MDN1: variants seen among roughly 807,000 people sequenced by gnomAD.
The protein encoded by MDN1 is midasin AAA ATPase 1.
In MDN1, 266 loss-of-function variants were observed where a neutral mutation model predicts 669.2. That is an observed-to-expected ratio of 0.40 (90% CI 0.36 to 0.44). The LOEUF is 0.44. Among genes scored for constraint, MDN1 ranks in the 20% least tolerant of loss-of-function variants. MDN1 has a pLI of 1.00. For missense variants in MDN1, 5,940 were observed against 6,754.0 expected (o/e 0.88, Z 4.22); for synonymous variants, 2,385 against 2,457.1 (o/e 0.97, Z 0.87).
chr6:89,677,685 G>C lies in MDN1; in HGVS notation c.12424C>G (p.Arg4142Gly). 4 of 1,614,076 alleles carry C rather than the reference G, an allele frequency of 2.5e-6. No individual in the cohort carries two copies. Among genetic ancestry groups the C allele is most frequent in the Non-Finnish European group, 3.4e-6 (4 of 1,180,006 alleles). Reference protein sequence around the residue: ...KHLAKIGLSYRKGLAWARSKN... With the variant: ...KHLAKIGLSYGKGLAWARSKN... ...GAACGGGCCCAAGCAAGACCTTTGC[G>C]ATACGACAAACCTAGGAAATAAACA... Residue 4142 changes from arginine to glycine, a missense_variant, in exon 76 of 102, where the codon CGC (arginine) becomes GGC (glycine). Arg to Gly is a moderately radical substitution (Grantham distance 125). Around this residue, in one of 5 missense-constraint regions of MDN1, gnomAD observed 2,280 missense variants for 2,576.3 expected, o/e 0.88. Transcript: ENST00000369393.
intron 36 of MDN1, 84 bp from the exon 37 acceptor site, chr6:89,728,039 A>C: frequency 6.8e-7 from 1 of 1,464,558 alleles, no homozygotes; most frequent in Non-Finnish European, 9.2e-7. Flanking sequence ...GAAATGATAA[A>C]TACTTGGGGC....
At chr6:89,667,175 G>T (rs2038336) in intron 84 of MDN1, among the ~76,000 whole-genome samples, 127,483 of 151,954 alleles carry the variant, frequency 0.84, 53,669 homozygotes, top group East Asian at 1. Flanking sequence ...ATTTGCTTTT[G>T]CTTTTGACTT....
chr6:89,780,902 G>A (rs1444141709), intron 10 of MDN1, among the ~76,000 whole-genome samples: 3 of 151,486 alleles, frequency 2.0e-5, no homozygotes, highest in Admixed American at 2.0e-4. Flanking sequence ...GCCCACCTCG[G>A]CCTCCCAAAG....
chr6:89,815,246 C>T (rs1030871176), intron 1 of MDN1: 4 of 423,568 alleles, frequency 9.4e-6, no homozygotes, highest in African/African-American at 8.2e-5. Flanking sequence ...TGACAGAGCT[C>T]CTCTGCTCTC....
intron 84 of MDN1, 54 bp from the exon 85 acceptor site, chr6:89,664,682 C>G: frequency 6.9e-7 from 1 of 1,445,120 alleles, no homozygotes; most frequent in Middle Eastern, 1.8e-4. Flanking sequence ...ATGTTTGCTT[C>G]AGCTGTGAGA....
chr6:89,819,615 G>A lies in MDN1; in HGVS notation c.-8C>T, dbSNP rs201298124. ...CAGCAAGAAGTGCTCCATGACCCAGGGCCCTCACCCCGAGCGGCCACCTGC... is the reference window on the plus strand; with the variant it reads ...CAGCAAGAAGTGCTCCATGACCCAGAGCCCTCACCCCGAGCGGCCACCTGC... On this transcript the variant is annotated 5_prime_UTR_variant, in exon 1 of 102. Transcript: ENST00000369393. 3.1e-6 allele frequency: 5 copies of A among 1,600,022 alleles called. No individual in the cohort carries two copies. The highest frequency in any genetic ancestry group is 4.2e-6 in the Non-Finnish European group (5 of 1,179,394).
At chr6:89,780,322 C>G (rs758759527) in intron 10 of MDN1, 29 bp from the exon 11 acceptor site, 1 of 1,454,236 alleles carries the variant, frequency 6.9e-7, no homozygotes, top group East Asian at 2.4e-5. Context: ...AAAGAAAAAA[C>G]AAAGAAAAGA....
chr6:89,711,215 G>C (rs1813893242), intron 49 of MDN1, among the ~76,000 whole-genome samples: 1 of 152,092 alleles, frequency 6.6e-6, no homozygotes, highest in African/African-American at 2.4e-5. Context: ...AAGCAATGTT[G>C]TTATTGTTGC....
rs963758198 is a variant in MDN1 at position 89,649,204 on chromosome 6, A to C, written c.16206+820T>G. On this transcript the variant is annotated intron_variant, in intron 97 of 101. Coordinates refer to ENST00000369393, the MANE Select transcript of MDN1 (RefSeq NM_014611.3). ...TTTGCAATATGACAAAAGCAGCAGCAAACTGAGTGTTCTACATCTATTATT... is the reference window on the plus strand; with the variant it reads ...TTTGCAATATGACAAAAGCAGCAGCCAACTGAGTGTTCTACATCTATTATT... 4.6e-5 allele frequency among the ~76,000 whole-genome samples: 7 copies of C among 152,236 alleles called. No individual in the cohort carries two copies. The East Asian group carries it at 9.6e-4, about 21-fold the overall frequency.
intron 8 of MDN1, among the ~76,000 whole-genome samples, chr6:89,786,594 A>G (rs1818971470): frequency 6.6e-6 from 1 of 151,602 alleles, no homozygotes; most frequent in Admixed American, 6.6e-5. Context: ...GTACAAAGCA[A>G]AACACTGTCT....
chr6:89,743,790 GAGA>G (rs1816422696), intron 29 of MDN1, 76 bp from the exon 30 acceptor site: 1 of 1,499,944 alleles, frequency 6.7e-7, no homozygotes, highest in Non-Finnish European at 9.1e-7. Flanking sequence ...CTCAGCAAAA[GAGA>G]AGAACCACTG....
At chr6:89,722,619 C>G (rs957883726) in intron 40 of MDN1, among the ~76,000 whole-genome samples, 2 of 152,174 alleles carry the variant, frequency 1.3e-5, no homozygotes, top group Admixed American at 6.5e-5. Flanking sequence ...GAGGCTGAGA[C>G]AGGTGGATCA....
At chr6:89,702,161 G>A (rs867481740) in intron 53 of MDN1, 100 bp from the exon 54 acceptor site, 28 of 1,174,794 alleles carry the variant, frequency 2.4e-5, no homozygotes, top group Middle Eastern at 4.2e-4. Flanking sequence ...AACATCTCCC[G>A]GGAAAAGACA....
chr6:89,794,640 CG>C lies in MDN1; in HGVS notation c.490del (p.Arg164GlyfsTer34). ...KFLQQEQSVF[R>X]ELWDWSVCVP... ...ACACACACTCCAGTCCCAGAGCTCC[CG>C]GAACACAGACTGCTCCTGCTGCAGA... On this transcript the variant is annotated frameshift_variant, in exon 3 of 102. Transcript: ENST00000369393. LOFTEE classifies it high-confidence loss of function. 6.2e-7 allele frequency: 1 copy of C among 1,613,990 alleles called. No homozygotes were observed. The highest frequency in any genetic ancestry group is 1.1e-5 in the South Asian group (1 of 91,078).
At chr6:89,760,065 C>A (rs1817461711) in intron 17 of MDN1, among the ~76,000 whole-genome samples, 1 of 145,834 alleles carries the variant, frequency 6.9e-6, no homozygotes, top group Admixed American at 6.8e-5. Flanking sequence ...GAGTCAGACT[C>A]TGTCTCAAAA....
chr6:89,772,711 T>G lies in MDN1; in HGVS notation c.1945A>C (p.Thr649Pro), dbSNP rs776861500. 1 of 1,613,230 alleles carries G rather than the reference T, an allele frequency of 6.2e-7. No individual in the cohort carries two copies. Among genetic ancestry groups the G allele is most frequent in the Non-Finnish European group, 8.5e-7 (1 of 1,179,746 alleles). The change falls in exon 14 of 102, where the codon ACT becomes CCT. Residue 649 changes from threonine (T) to proline (P), a missense_variant. Transcript: ENST00000369393. ...GAGGACGGCCGTGTAGCAGCGAAAGTGAACTTCTCCCTGGGAAGGAGAAAA... is the reference window on the plus strand; with the variant it reads ...GAGGACGGCCGTGTAGCAGCGAAAGGGAACTTCTCCCTGGGAAGGAGAAAA... ...EAVHLQREKF[T>P]FAATRPSSVL...
chr6:89,704,164 T>G (rs965073883), intron 53 of MDN1, among the ~76,000 whole-genome samples: 1 of 152,138 alleles, frequency 6.6e-6, no homozygotes, highest in Admixed American at 6.5e-5. Flanking sequence ...GTGGATCACC[T>G]GAGGTCAGGA....
Position 89,714,562 on chromosome 6 carries a change from C to T in MDN1, c.7050G>A (p.Glu2350=). 1 of 1,610,264 alleles carries T rather than the reference C, an allele frequency of 6.2e-7. No individual in the cohort carries two copies. The highest frequency in any genetic ancestry group is 8.5e-7 in the Non-Finnish European group (1 of 1,178,028). The change falls in exon 46 of 102, where the codon GAG becomes GAA. Residue 2350 remains glutamate (E), a synonymous_variant. Transcript: ENST00000369393. The part of the protein sequence containing the change: ...VCDILLALHT[E]TRSTVVGSPT... ...CCTCACCTACAACAGTGCTCCGGGT[C>T]TCTGTGTGTAAAGCCAAGAGGATGT...
At chr6:89,664,362 A>C in intron 85 of MDN1, 125 bp downstream of exon 85, 1 of 1,187,148 alleles carries the variant, frequency 8.4e-7, no homozygotes, top group East Asian at 2.4e-5. Context: ...TTTCATTTGC[A>C]CTTAAGCACA....
Sources: gnomAD v4.1 joint callset for allele counts (sites outside exome capture counted in the v4.1 genomes callset) on GRCh38, gnomAD v4.1.1 for gene constraint, gnomAD v4.1.1 regional missense constraint, MANE v1.5 for transcripts, NCBI Gene and HGNC (gene_info 2026-07-23, HGNC 2026-07-21) for gene names.